The following VWA3B variants were observed in gnomAD, a reference collection of about 807,000 sequenced individuals.
VWA3B encodes the protein von Willebrand factor A domain-containing protein 3B.
A neutral mutation model predicts 158.3 loss-of-function variants in VWA3B; 138 were observed. That is an observed-to-expected ratio of 0.87 (90% CI 0.76 to 1.00). The LOEUF (loss-of-function observed/expected upper bound fraction) is 1.00. Ranked by LOEUF, VWA3B falls within the 50% of genes least tolerant of loss-of-function variation. The pLI, the probability that VWA3B is intolerant of heterozygous loss-of-function variation, is 0.00. For missense variants in VWA3B, 1,555 were observed against 1,565.1 expected, an observed-to-expected ratio of 0.99 and a Z score of 0.11; for synonymous variants, 596 against 587.3, an observed-to-expected ratio of 1.01 and a Z score of -0.21.
intron 9 of VWA3B, among the ~76,000 whole-genome samples, chr2:98,186,158 A>ATTTTTTTTTT (rs377014875): frequency 1.6e-5 from 2 of 128,380 alleles, no homozygotes; most frequent in East Asian, 4.4e-4. Flanking sequence ...ACTTCCTTGA[A>ATTTTTTTTTT]TTTTTTTTTT....
intron 25 of VWA3B, 93 bp from the exon 26 acceptor site, chr2:98,303,609 A>C: frequency 8.8e-7 from 1 of 1,142,092 alleles, no homozygotes. Context: ...AATGACTAGA[A>C]GCTATTATAA....
chr2:98,121,852 T>G (rs1674996429), intron 5 of VWA3B: 2 of 174,188 alleles, frequency 1.1e-5, no homozygotes, highest in Admixed American at 5.6e-5. Flanking sequence ...CTATCTCTTA[T>G]GAGGAGGAGA....
intron 14 of VWA3B, among the ~76,000 whole-genome samples, chr2:98,226,184 A>C (rs1684903538): frequency 1.3e-5 from 2 of 152,240 alleles, no homozygotes. Context: ...ATTAAGGCTT[A>C]CTATGTAGCT....
chr2:98,124,424 C>G lies in VWA3B; in HGVS notation c.702+2966C>G, dbSNP rs376697709. 6.6e-5 allele frequency among the ~76,000 whole-genome samples: 10 copies of G among 152,210 alleles called. No individual in the cohort carries two copies. The East Asian group carries it at 1.7e-3, about 26-fold the overall frequency. ...CAGGTGGGGACAGAGACCCTGAAAC[C>G]TGGGAGGCCAGAAAGTCGGTGGTGG... On this transcript the variant is annotated intron_variant, in intron 5 of 27. Coordinates refer to ENST00000477737, the MANE Select transcript of VWA3B (RefSeq NM_144992.5).
intron 9 of VWA3B, among the ~76,000 whole-genome samples, chr2:98,186,830 T>C (rs80107715): frequency 0.032 from 4,926 of 152,118 alleles, 261 homozygotes; most frequent in African/African-American, 0.11. Flanking sequence ...TCAGACATGT[T>C]GCTGCTCTCG....
intron 17 of VWA3B, among the ~76,000 whole-genome samples, chr2:98,236,089 TG>T: frequency 6.6e-6 from 1 of 152,254 alleles, no homozygotes; most frequent in East Asian, 1.9e-4. Flanking sequence ...GAACAATCAT[TG>T]GTTAATGGTA....
chr2:98,280,126 T>G (rs1688784315), intron 22 of VWA3B, among the ~76,000 whole-genome samples: 1 of 152,184 alleles, frequency 6.6e-6, no homozygotes, highest in South Asian at 2.1e-4. Context: ...AAATTACAAA[T>G]CCCAAGCTTT....
At position 98,125,024 on chromosome 2, in the gene VWA3B, A is replaced by G. The variant is rs1675249927; in HGVS notation, c.703-3215A>G. Among the ~76,000 whole-genome samples the G allele has an allele frequency of 1.3e-5, 2 of 152,228 alleles. No homozygotes were observed. Among genetic ancestry groups the G allele is most frequent in the African/African-American group, 4.8e-5 (2 of 41,458 alleles). ...GAATGGAACTCATGTATTTTATCAAATTCGGTGCAAATCAGCATTTAGGGA... is the reference window on the plus strand; with the variant it reads ...GAATGGAACTCATGTATTTTATCAAGTTCGGTGCAAATCAGCATTTAGGGA... On this transcript the variant is annotated intron_variant, in intron 5 of 27. Coordinates refer to ENST00000477737, the MANE Select transcript of VWA3B (RefSeq NM_144992.5). The surrounding 1 kb of genome is among the most constrained non-coding windows in gnomAD (Gnocchi z 4.1).
chr2:98,226,626 A>C lies in VWA3B; in HGVS notation c.2020-1576A>C, dbSNP rs546145195. ...TGTGGGAGACCCTGTTAAGAACATA[A>C]AAAGATGAGCTGCAGACTTAGAGAA... On this transcript the variant is annotated intron_variant, in intron 14 of 27. Transcript: ENST00000477737. Among the ~76,000 whole-genome samples, 12 of 152,372 alleles carry C rather than the reference A, an allele frequency of 7.9e-5. No individual in the cohort carries two copies. In the South Asian group the frequency reaches 2.5e-3, roughly 32 times the overall value.
At chr2:98,139,318 C>A (rs890842007) in intron 7 of VWA3B, among the ~76,000 whole-genome samples, 1 of 152,238 alleles carries the variant, frequency 6.6e-6, no homozygotes, top group East Asian at 1.9e-4. Flanking sequence ...GCCCAAGCCT[C>A]CCCGACGAGC....
intron 12 of VWA3B, among the ~76,000 whole-genome samples, chr2:98,204,489 T>G (rs62154935): frequency 0.047 from 7,193 of 152,332 alleles, 254 homozygotes; most frequent in Middle Eastern, 0.082. Context: ...TGCCAAATCC[T>G]TTTCTGTGCA....
Position 98,193,097 on chromosome 2 carries a change from T to C in VWA3B, c.1605+61T>C. Reference sequence around the variant, plus strand: ...TTGTGTATCAGATGGTTATGAGCAGTGGATAGGGGCTTGTTGCTCTAAAAA... The same window carrying C: ...TTGTGTATCAGATGGTTATGAGCAGCGGATAGGGGCTTGTTGCTCTAAAAA... On this transcript the variant is annotated intron_variant, in intron 11 of 27. Transcript: ENST00000477737. 3 of 1,531,638 alleles carry C rather than the reference T, an allele frequency of 2.0e-6. No homozygotes were observed. The South Asian group carries it at 3.9e-5, about 20-fold the overall frequency. The allele number at this position is 1,531,638 out of a possible 1,614,324, so 94.9% of individuals were successfully genotyped here.
At chr2:98,221,517 C>T (rs1049778415) in intron 14 of VWA3B, among the ~76,000 whole-genome samples, 13 of 152,138 alleles carry the variant, frequency 8.5e-5, no homozygotes, top group African/African-American at 2.2e-4. Context: ...ATCCCCCTGC[C>T]GAGTGGAATA....
At chr2:98,236,275 T>C in intron 17 of VWA3B, 115 bp from the exon 18 acceptor site, 1 of 1,116,654 alleles carries the variant, frequency 9.0e-7, no homozygotes, top group Non-Finnish European at 1.3e-6. Flanking sequence ...CTCTGAAATG[T>C]GGTCCATTTA....
At chr2:98,119,888 T>C (rs1674835486) in intron 4 of VWA3B, 125 bp downstream of exon 4, 13 of 1,207,532 alleles carry the variant, frequency 1.1e-5, no homozygotes, top group Non-Finnish European at 1.5e-5. Flanking sequence ...TCTTATACTT[T>C]CCTAGAAGAT....
chr2:98,091,901 C>T (rs1209300518), intron 1 of VWA3B, among the ~76,000 whole-genome samples: 1 of 152,228 alleles, frequency 6.6e-6, no homozygotes, highest in Non-Finnish European at 1.5e-5. Context: ...CCAGGCCCTG[C>T]CCATTTGTGG....
At chr2:98,216,990 C>CCA in intron 13 of VWA3B, 3 of 1,208,952 alleles carry the variant, frequency 2.5e-6, no homozygotes, top group Non-Finnish European at 3.3e-6. Flanking sequence ...GCACCCGCCC[C>CCA]GCACCCAGTC....
At chr2:98,247,424 A>G (rs1403316922) in intron 19 of VWA3B, among the ~76,000 whole-genome samples, 2 of 152,102 alleles carry the variant, frequency 1.3e-5, no homozygotes, top group African/African-American at 4.8e-5. Flanking sequence ...TGTCACTGTG[A>G]TTTAGAGTTT....
chr2:98,179,934 C>A (rs1441503784), intron 8 of VWA3B, among the ~76,000 whole-genome samples: 20 of 141,142 alleles, frequency 1.4e-4, no homozygotes, highest in African/African-American at 4.8e-4. Context: ...CTCCCTTCCT[C>A]CCTCCCTCCT....
Sources: allele counts gnomAD v4.1 joint callset (sites outside exome capture counted in the v4.1 genomes callset), GRCh38; gene constraint gnomAD v4.1.1; non-coding constraint Gnocchi (gnomAD v3.1); transcripts MANE v1.5; gene names NCBI Gene and HGNC (gene_info 2026-07-23, HGNC 2026-07-21).